Variants in ANLN observed in about 807,000 individuals in gnomAD.
The protein encoded by ANLN is anillin.
ANLN carries 59 observed loss-of-function variants against 135.1 expected under a neutral mutation model. That is an observed-to-expected ratio of 0.44 (90% CI 0.35 to 0.54). The LOEUF (loss-of-function observed/expected upper bound fraction) is 0.54, where lower values mean the gene tolerates loss of function less well. ANLN is among the 20% of genes least tolerant of loss of function. The pLI is 0.00. For synonymous variants in ANLN, 406 were observed against 456.4 expected (o/e 0.89, Z 1.41); for missense variants, 1,182 against 1,340.0 (o/e 0.88, Z 1.84).
At chr7:36,399,506 A>G (rs1415845877) in intron 3 of ANLN, 113 bp downstream of exon 3, 15 of 980,080 alleles carry the variant, frequency 1.5e-5, no homozygotes, top group Middle Eastern at 4.4e-4. Context: ...TGTTTTATCT[A>G]TATGTTGAGT....
chr7:36,396,310 A>G lies in ANLN; in HGVS notation c.63A>G (p.Arg21=), dbSNP rs1217925465. 1.9e-6 allele frequency: 3 copies of G among 1,604,988 alleles called. No individual in the cohort carries two copies. The highest frequency in any genetic ancestry group is 4.5e-5 in the East Asian group (2 of 44,716). Residue 21 remains arginine (R), a synonymous_variant, in exon 2 of 24, where the codon AGA becomes AGG. Coordinates refer to ENST00000265748, the MANE Select transcript of ANLN (RefSeq NM_018685.5). ...GTGCCAGGCGAGAGAATCTTCAGAG[A>G]AAAATGGCTGAGAGGCCCACAGCAG... ...RTRARRENLQ[R]KMAERPTAAP...
intron 11 of ANLN, 57 bp downstream of exon 11, chr7:36,420,371 A>G: frequency 6.4e-7 from 1 of 1,563,452 alleles, no homozygotes. Flanking sequence ...AGATTGACAT[A>G]AGTCGTGTTA....
chr7:36,425,736 C>G lies in ANLN; in HGVS notation c.2744C>G (p.Thr915Ser). 2 of 1,611,674 alleles carry G rather than the reference C, an allele frequency of 1.2e-6. No homozygotes were observed. The highest frequency in any genetic ancestry group is 1.7e-6 in the Non-Finnish European group (2 of 1,178,332). The change falls in exon 18 of 24, where the codon ACC becomes AGC. Residue 915 changes from threonine (T) to serine (S), a missense_variant. Physicochemically the swap from Thr to Ser is moderately conservative, Grantham distance 58. Coordinates refer to ENST00000265748, the MANE Select transcript of ANLN (RefSeq NM_018685.5). ...ITPKRLLTSI[T>S]TKSNIHSSVM... ...CCAAAGCGACTCCTCACATCTATAA[C>G]CACAGTAAGTAGAATTTTTGAGAAA... is the stretch of plus-strand genomic sequence containing the variant.
chr7:36,408,016 C>T, intron 5 of ANLN, 60 bp downstream of exon 5: 3 of 1,302,638 alleles, frequency 2.3e-6, no homozygotes, highest in Non-Finnish European at 3.2e-6. Flanking sequence ...CTATTCTCAG[C>T]ATTTTAAATA....
chr7:36,433,501 G>A (rs1788411186), intron 20 of ANLN, among the ~76,000 whole-genome samples: 1 of 151,942 alleles, frequency 6.6e-6, no homozygotes, highest in African/African-American at 2.4e-5. Flanking sequence ...TGATTTTAAT[G>A]TGCCTACGTG....
At chr7:36,413,643 C>T (rs893187037) in intron 7 of ANLN, among the ~76,000 whole-genome samples, 2 of 152,158 alleles carry the variant, frequency 1.3e-5, no homozygotes, top group African/African-American at 2.4e-5. Context: ...CTGTGGTCTC[C>T]ACAGACTAAG....
intron 20 of ANLN, among the ~76,000 whole-genome samples, chr7:36,434,152 T>G (rs1332980064): frequency 1.3e-5 from 2 of 152,246 alleles, no homozygotes; most frequent in Non-Finnish European, 2.9e-5. Flanking sequence ...CTTTTGTCTT[T>G]CAGACAGTAT....
intron 20 of ANLN, among the ~76,000 whole-genome samples, chr7:36,438,081 G>A (rs928902278): frequency 4.6e-5 from 7 of 152,146 alleles, no homozygotes; most frequent in Non-Finnish European, 7.3e-5. Context: ...GAGCCACCGC[G>A]CCCAGCCTTT....
chr7:36,419,221 C>A (rs1343184117), intron 9 of ANLN, 23 bp from the exon 10 acceptor site: 1 of 1,518,912 alleles, frequency 6.6e-7, no homozygotes, highest in South Asian at 1.1e-5. Flanking sequence ...GTCACAGTGT[C>A]CACCTATTGA....
chr7:36,412,370 C>T (rs1331821980), intron 7 of ANLN, among the ~76,000 whole-genome samples: 3 of 141,586 alleles, frequency 2.1e-5, no homozygotes, highest in Admixed American at 7.2e-5. Flanking sequence ...CTCTTATTGC[C>T]CAGGCTGGAG....
chr7:36,408,646 AC>A (rs767600846), intron 5 of ANLN, among the ~76,000 whole-genome samples: 2 of 152,178 alleles, frequency 1.3e-5, no homozygotes, highest in Non-Finnish European at 2.9e-5. Flanking sequence ...TAGTCACCCT[AC>A]TGATCTATCA....
At chr7:36,405,518 A>G (rs1460062385) in intron 3 of ANLN, among the ~76,000 whole-genome samples, 5 of 152,228 alleles carry the variant, frequency 3.3e-5, no homozygotes, top group African/African-American at 9.6e-5. Context: ...AGGAAGTGCT[A>G]TGAACCTTGG....
intron 21 of ANLN, 85 bp downstream of exon 21, chr7:36,439,375 T>C: frequency 1.3e-6 from 1 of 788,548 alleles, no homozygotes; most frequent in Non-Finnish European, 2.0e-6. Flanking sequence ...AAATCCTTTG[T>C]GATTAAGTAA....
chr7:36,419,760 C>G (rs1324679352), intron 10 of ANLN, among the ~76,000 whole-genome samples: 1 of 152,206 alleles, frequency 6.6e-6, no homozygotes, highest in Non-Finnish European at 1.5e-5. Flanking sequence ...TATTTAAGCT[C>G]TCTATGCCAC....
At chr7:36,415,940 G>T in intron 8 of ANLN, 56 bp downstream of exon 8, 1 of 1,406,258 alleles carries the variant, frequency 7.1e-7, no homozygotes, top group South Asian at 1.5e-5. Context: ...TGATGTTTGT[G>T]TGTTGATTTT....
At chr7:36,395,934 A>G (rs1377379416) in intron 1 of ANLN, among the ~76,000 whole-genome samples, 2 of 152,144 alleles carry the variant, frequency 1.3e-5, no homozygotes, top group Non-Finnish European at 2.9e-5. Context: ...CACTTGTACC[A>G]TATTTTATTG....
intron 1 of ANLN, 145 bp from the exon 2 acceptor site, chr7:36,396,121 A>G: frequency 1.9e-6 from 1 of 536,256 alleles, no homozygotes; most frequent in Non-Finnish European, 3.0e-6. Context: ...CATTTAGTGA[A>G]TCTTGACATA....
At chr7:36,433,894 C>T (rs1192021550) in intron 20 of ANLN, among the ~76,000 whole-genome samples, 1 of 151,944 alleles carries the variant, frequency 6.6e-6, no homozygotes, top group Non-Finnish European at 1.5e-5. Flanking sequence ...AATTTCTCTG[C>T]TGAAGTTCTC....
In ANLN at chr7:36,412,244, A is replaced by G. The variant is rs73330562; in HGVS notation, c.1395+1078A>G. Among the ~76,000 whole-genome samples the G allele has an allele frequency of 3.1e-3, 460 of 150,100 alleles. 1 individual carries two copies. Among genetic ancestry groups the G allele is most frequent in the African/African-American group, 0.011 (431 of 40,796 alleles). On this transcript the variant is annotated intron_variant, in intron 7 of 23. Coordinates refer to ENST00000265748, the MANE Select transcript of ANLN (RefSeq NM_018685.5). ...ACCGAAGTTACTGCTGTAGCTTTGT[A>G]CTGAACATCCTGCTTCTAGTCTCGC...
Sources: allele counts gnomAD v4.1 joint callset (sites outside exome capture counted in the v4.1 genomes callset), GRCh38; gene constraint gnomAD v4.1.1; transcripts MANE v1.5; gene names NCBI Gene and HGNC (gene_info 2026-07-23, HGNC 2026-07-21).